TENM4: variants seen among roughly 807,000 people sequenced by gnomAD.
TENM4 encodes teneurin transmembrane protein 4, also known as teneurin-4.
A neutral mutation model predicts 243.3 loss-of-function variants in TENM4; 82 were observed. That is an observed-to-expected ratio of 0.34 (90% CI 0.28 to 0.40). The LOEUF is 0.40. Ranked by LOEUF, TENM4 falls within the 10% of genes least tolerant of loss-of-function variation. The probability of loss-of-function intolerance (pLI) is 1.00; values close to 1 mark genes in which losing one functional copy is unlikely to be tolerated. For missense variants in TENM4, 3,138 were observed against 3,673.3 expected (o/e 0.85, Z 3.77); for synonymous variants, 1,412 against 1,456.3 (o/e 0.97, Z 0.69).
At chr11:78,855,480 A>G (rs900934195) in intron 11 of TENM4, among the ~76,000 whole-genome samples, 24 of 152,206 alleles carry the variant, frequency 1.6e-4, no homozygotes, top group Admixed American at 7.2e-4. Flanking sequence ...AGAATCATTT[A>G]TTCTGAGCCA....
intron 9 of TENM4, among the ~76,000 whole-genome samples, chr11:78,867,121 T>C (rs1220630634): frequency 3.3e-5 from 5 of 152,196 alleles, no homozygotes; most frequent in Non-Finnish European, 7.4e-5. Context: ...ATTATACTTT[T>C]AGTTATTTTA....
intron 2 of TENM4, among the ~76,000 whole-genome samples, chr11:79,276,754 G>A (rs961559785): frequency 6.6e-6 from 1 of 152,036 alleles, no homozygotes; most frequent in Admixed American, 6.6e-5. Flanking sequence ...ACTCCTTGCT[G>A]CTTTGGGGGT....
intron 3 of TENM4, among the ~76,000 whole-genome samples, chr11:79,214,890 AC>A (rs1170801034): frequency 1.3e-5 from 2 of 152,272 alleles, no homozygotes; most frequent in African/African-American, 2.4e-5. Flanking sequence ...CTTTCTACCA[AC>A]CTTTGATGGA....
intron 4 of TENM4, among the ~76,000 whole-genome samples, chr11:79,132,181 A>G (rs1261859696): frequency 6.6e-6 from 1 of 151,156 alleles, no homozygotes; most frequent in African/African-American, 2.4e-5. Context: ...TCTCTACTAA[A>G]AATACAAAAA....
At chr11:79,337,593 G>C (rs945839719) in intron 1 of TENM4, among the ~76,000 whole-genome samples, 5 of 152,180 alleles carry the variant, frequency 3.3e-5, no homozygotes, top group Non-Finnish European at 7.4e-5. Flanking sequence ...AGGCAGGACG[G>C]ACCTTCGCAA....
intron 4 of TENM4, among the ~76,000 whole-genome samples, chr11:79,089,860 A>T (rs1298733542): frequency 6.6e-6 from 1 of 152,158 alleles, no homozygotes; most frequent in Non-Finnish European, 1.5e-5. Flanking sequence ...TTGCCATTTT[A>T]TAGAAACTGA....
intron 1 of TENM4, among the ~76,000 whole-genome samples, chr11:79,380,898 T>G (rs1857987818): frequency 6.6e-6 from 1 of 152,178 alleles, no homozygotes; most frequent in Non-Finnish European, 1.5e-5. Context: ...TAGTAAGGCT[T>G]GGGGCTGTGT....
chr11:79,426,506 A>G (rs533065560), intron 1 of TENM4, among the ~76,000 whole-genome samples: 68 of 152,338 alleles, frequency 4.5e-4, no homozygotes, highest in African/African-American at 1.6e-3. Context: ...GCCTCACACA[A>G]TTCAACAAAG....
chr11:79,293,899 T>G (rs1474251345), intron 2 of TENM4, among the ~76,000 whole-genome samples: 1 of 152,082 alleles, frequency 6.6e-6, no homozygotes, highest in Non-Finnish European at 1.5e-5. Context: ...AGGACCAAGG[T>G]AGATAATGGG....
At chr11:79,381,895 C>G (rs1216448274) in intron 1 of TENM4, among the ~76,000 whole-genome samples, 1 of 152,102 alleles carries the variant, frequency 6.6e-6, no homozygotes, top group Non-Finnish European at 1.5e-5. Flanking sequence ...ACACACCACA[C>G]TGCTCTTCCT....
intron 6 of TENM4, among the ~76,000 whole-genome samples, chr11:78,995,642 T>C (rs1476094760): frequency 6.6e-6 from 1 of 150,806 alleles, no homozygotes; most frequent in Non-Finnish European, 1.5e-5. Context: ...AAGTGGTGGG[T>C]GGAAAAGAAT....
intron 4 of TENM4, chr11:79,076,451 G>C (rs1281800810): frequency 6.5e-6 from 1 of 153,866 alleles, no homozygotes; most frequent in Non-Finnish European, 1.4e-5. Flanking sequence ...GACAACAGAA[G>C]AGAGAGCTTG....
intron 3 of TENM4, among the ~76,000 whole-genome samples, chr11:79,188,379 G>A (rs1863414838): frequency 6.6e-6 from 1 of 152,090 alleles, no homozygotes; most frequent in African/African-American, 2.4e-5. Context: ...AATTTCAAGG[G>A]TTAATGCACA....
rs116309089 is a variant in TENM4 at position 78,777,626 on chromosome 11, G to A, written c.2392+976C>T. ...CTTAATCCTCATACTAGCCTTATGA[G>A]GTGGGTCCTGTTAGCAAGAGAAGAG... On this transcript the variant is annotated intron_variant, in intron 17 of 33. Transcript: ENST00000278550. Among the ~76,000 whole-genome samples the A allele has an allele frequency of 9.4e-3, 1,435 of 152,206 alleles. 27 individuals are homozygous for A. The highest frequency in any genetic ancestry group is 0.033 in the African/African-American group (1,370 of 41,498).
At chr11:79,376,701 A>T (rs1857898954) in intron 1 of TENM4, among the ~76,000 whole-genome samples, 1 of 152,182 alleles carries the variant, frequency 6.6e-6, no homozygotes, top group African/African-American at 2.4e-5. Flanking sequence ...GGCAATGTGT[A>T]TGTCCCTCCC....
chr11:79,330,275 C>A (rs1391042934), intron 1 of TENM4, among the ~76,000 whole-genome samples: 1 of 152,186 alleles, frequency 6.6e-6, no homozygotes, highest in African/African-American at 2.4e-5. Context: ...ATGGACTGGC[C>A]ATGGGAGTGA....
chr11:78,699,475 G>A (rs547071480), intron 28 of TENM4, among the ~76,000 whole-genome samples: 1 of 152,324 alleles, frequency 6.6e-6, no homozygotes, highest in East Asian at 1.9e-4. Context: ...ATGGGAAAGA[G>A]CCTGGCACAT....
At chr11:78,716,052 G>A (rs954860019) in intron 25 of TENM4, among the ~76,000 whole-genome samples, 2 of 152,164 alleles carry the variant, frequency 1.3e-5, no homozygotes, top group Admixed American at 1.3e-4. Context: ...TACCATATAA[G>A]GTAGGTACTT....
chr11:78,889,720 G>C, intron 9 of TENM4, 65 bp downstream of exon 9: 1 of 1,494,098 alleles, frequency 6.7e-7, no homozygotes, highest in Non-Finnish European at 9.1e-7. Flanking sequence ...GTGCCCACAC[G>C]TGTCTTGGTT....
Sources: allele counts gnomAD v4.1 joint callset (sites outside exome capture counted in the v4.1 genomes callset), GRCh38; gene constraint gnomAD v4.1.1; transcripts MANE v1.5; gene names NCBI Gene and HGNC (gene_info 2026-07-23, HGNC 2026-07-21).